The following CLVS1 variants were observed in gnomAD, a reference collection of about 807,000 sequenced individuals.
CLVS1 encodes clavesin-1.
CLVS1 carries 10 observed loss-of-function variants against 33.1 expected under a neutral mutation model. The ratio of observed to expected loss-of-function variants is 0.30; its 90% CI spans 0.19 to 0.51. The LOEUF (loss-of-function observed/expected upper bound fraction) is 0.51. CLVS1 is among the 20% of genes least tolerant of loss of function. The probability of loss-of-function intolerance (pLI) is 0.97; values close to 1 mark genes in which losing one functional copy is unlikely to be tolerated. For synonymous variants in CLVS1, 163 were observed against 166.1 expected (o/e 0.98, Z 0.14); for missense variants, 343 against 433.4 (o/e 0.79, Z 1.85).
intron 5 of CLVS1, among the ~76,000 whole-genome samples, chr8:61,470,953 A>G (rs1382893157): frequency 6.6e-6 from 1 of 152,158 alleles, no homozygotes; most frequent in Non-Finnish European, 1.5e-5. Flanking sequence ...TCCTGTTGTC[A>G]TGGTGATCAG....
At chr8:61,120,949 A>G (rs1161922400) in intron 1 of CLVS1, among the ~76,000 whole-genome samples, 13 of 148,998 alleles carry the variant, frequency 8.7e-5, no homozygotes, top group South Asian at 2.1e-4. Flanking sequence ...AGCCTGGGCA[A>G]TGGCGGGTGC....
chr8:61,267,324 T>A lies in CLVS1; in HGVS notation c.-151-32353T>A, dbSNP rs1413267667. On this transcript the variant is annotated intron_variant, in intron 2 of 2. Coordinates refer to the CLVS1 transcript ENST00000522621. Reference sequence around the variant, plus strand: ...TTTCAATTATGTATTTATAATTTTATAAATCTTGTATCTAAATTTGTGTTG... The same window carrying A: ...TTTCAATTATGTATTTATAATTTTAAAAATCTTGTATCTAAATTTGTGTTG... Among the ~76,000 whole-genome samples, 3 of 152,316 alleles carry A rather than the reference T, an allele frequency of 2.0e-5. No individual in the cohort carries two copies. In the South Asian group the frequency reaches 6.2e-4, roughly 32 times the overall value.
chr8:61,100,843 G>T (rs1349793427), intron 1 of CLVS1, among the ~76,000 whole-genome samples: 1 of 152,026 alleles, frequency 6.6e-6, no homozygotes, highest in African/African-American at 2.4e-5. Flanking sequence ...CTTTTGACTG[G>T]CTTCCTTTAC....
At chr8:61,105,974 G>A (rs764922361) in intron 1 of CLVS1, among the ~76,000 whole-genome samples, 3 of 152,170 alleles carry the variant, frequency 2.0e-5, no homozygotes, top group Admixed American at 1.3e-4. Context: ...GCCAGAAGCC[G>A]GTTGTAGTTC....
At chr8:61,302,108 A>G (rs1810458972) in intron 2 of CLVS1, among the ~76,000 whole-genome samples, 3 of 152,144 alleles carry the variant, frequency 2.0e-5, no homozygotes. Flanking sequence ...ATAACAGTGT[A>G]GGGCAACTTG....
intron 2 of CLVS1, among the ~76,000 whole-genome samples, chr8:61,281,220 T>C (rs1255882672): frequency 1.3e-5 from 2 of 152,216 alleles, no homozygotes; most frequent in East Asian, 3.8e-4. Flanking sequence ...GTGAGAAGGA[T>C]GAGTGCAGGG....
At chr8:61,359,034 G>C (rs1812862390) in intron 2 of CLVS1, among the ~76,000 whole-genome samples, 1 of 152,036 alleles carries the variant, frequency 6.6e-6, no homozygotes, top group African/African-American at 2.4e-5. Flanking sequence ...TTCTTTTATA[G>C]ATTTCTGTTT....
chr8:61,448,465 A>T (rs1328036926), intron 3 of CLVS1, among the ~76,000 whole-genome samples: 3 of 152,028 alleles, frequency 2.0e-5, no homozygotes, highest in Admixed American at 1.3e-4. Flanking sequence ...AGGTTAAGTA[A>T]TTCCTATTTT....
intron 2 of CLVS1, among the ~76,000 whole-genome samples, chr8:61,373,670 G>T (rs1813528825): frequency 6.6e-6 from 1 of 152,210 alleles, no homozygotes; most frequent in Non-Finnish European, 1.5e-5. Context: ...AGTATTTGCT[G>T]TGAAATTCAA....
chr8:61,050,247 G>A, the CLVS1 span, among the ~76,000 whole-genome samples: 71 of 152,050 alleles, frequency 4.7e-4, no homozygotes, highest in East Asian at 0.012. Flanking sequence ...CAAATTCTTC[G>A]ATATGTGGAA....
chr8:61,469,534 C>T (rs1002620171), intron 5 of CLVS1, among the ~76,000 whole-genome samples: 3 of 152,160 alleles, frequency 2.0e-5, no homozygotes, highest in Admixed American at 1.3e-4. Context: ...TAGTAAAAGT[C>T]ACCTTAACTG....
At chr8:61,026,291 G>T in the CLVS1 span, among the ~76,000 whole-genome samples, 1 of 152,132 alleles carries the variant, frequency 6.6e-6, no homozygotes, top group East Asian at 1.9e-4. Context: ...GCCTGGAATG[G>T]TCTTTCTCTC....
chr8:61,410,648 TTTTATTG>T (rs1229589978), intron 3 of CLVS1, among the ~76,000 whole-genome samples: 1 of 152,186 alleles, frequency 6.6e-6, no homozygotes, highest in Non-Finnish European at 1.5e-5. Context: ...CTTTTTTATT[TTTTATTG>T]TTTTGAGACA....
intron 2 of CLVS1, among the ~76,000 whole-genome samples, chr8:61,194,433 A>G (rs574347987): frequency 2.3e-4 from 35 of 152,180 alleles, no homozygotes; most frequent in Non-Finnish European, 4.1e-4. Context: ...TGGCTGATAT[A>G]TCAATGTCAG....
At chr8:61,473,149 T>C (rs769876362) in intron 5 of CLVS1, among the ~76,000 whole-genome samples, 1 of 151,466 alleles carries the variant, frequency 6.6e-6, no homozygotes, top group African/African-American at 2.4e-5. Flanking sequence ...AACTGGAATA[T>C]GAGAAAAGTA....
the CLVS1 span, chr8:60,966,437 AG>A: frequency 2.2e-6 from 1 of 452,424 alleles, no homozygotes; most frequent in Non-Finnish European, 4.4e-6. Context: ...GGCGGGTGGA[AG>A]CAGGATGGGT....
intron 1 of CLVS1, among the ~76,000 whole-genome samples, chr8:61,105,936 T>A (rs6471924): frequency 0.21 from 32,631 of 152,056 alleles, 3,778 homozygotes; most frequent in Admixed American, 0.32. Context: ...CCGCCCTGCG[T>A]CTGTCTGCCT....
At chr8:61,352,117 T>C (rs984268798) in intron 2 of CLVS1, among the ~76,000 whole-genome samples, 1 of 152,014 alleles carries the variant, frequency 6.6e-6, no homozygotes, top group Non-Finnish European at 1.5e-5. Flanking sequence ...AAGACAGTGA[T>C]ATTTAAAAGA....
At chr8:61,267,196 A>G (rs1274493230) in intron 2 of CLVS1, among the ~76,000 whole-genome samples, 1 of 152,216 alleles carries the variant, frequency 6.6e-6, no homozygotes, top group Non-Finnish European at 1.5e-5. Context: ...TACCACCAGC[A>G]AGAAAGATAA....
Sources: gnomAD v4.1 joint callset for allele counts (sites outside exome capture counted in the v4.1 genomes callset) on GRCh38, gnomAD v4.1.1 for gene constraint, MANE v1.5 for transcripts, NCBI Gene and HGNC (gene_info 2026-07-23, HGNC 2026-07-21) for gene names.